Variants in CSNK1G2 observed in about 807,000 individuals in gnomAD.
CSNK1G2 encodes the protein casein kinase 1 gamma 2.
In CSNK1G2, 11 loss-of-function variants were observed where a neutral mutation model predicts 48.0. The ratio of observed to expected loss-of-function variants is 0.23; its 90% CI spans 0.14 to 0.38. The LOEUF is 0.38. Among genes scored for constraint, CSNK1G2 ranks in the 10% least tolerant of loss-of-function variants. The pLI is 1.00. For synonymous variants in CSNK1G2, 337 were observed against 254.1 expected (o/e 1.33, Z -3.10); for missense variants, 446 against 595.5 (o/e 0.75, Z 2.61).
intron 1 of CSNK1G2, among the ~76,000 whole-genome samples, chr19:1,961,207 G>A (rs1248839146): frequency 2.0e-5 from 3 of 152,236 alleles, no homozygotes; most frequent in African/African-American, 7.2e-5. Flanking sequence ...TGGCATTCTC[G>A]CTGTCAGGGG....
At chr19:1,972,988 C>A (rs1045832979) in intron 2 of CSNK1G2, among the ~76,000 whole-genome samples, 1 of 147,832 alleles carries the variant, frequency 6.8e-6, no homozygotes, top group Non-Finnish European at 1.5e-5. Context: ...AGTGCAGTGG[C>A]GTAACCTCAG....
intron 1 of CSNK1G2, chr19:1,953,720 C>G: frequency 5.1e-6 from 2 of 392,130 alleles, no homozygotes; most frequent in South Asian, 3.7e-5. Context: ...TCGCCGTCCC[C>G]CACATCCCCC....
At chr19:1,976,066 A>G (rs1330863538) in intron 2 of CSNK1G2, 11 of 1,289,222 alleles carry the variant, frequency 8.5e-6, no homozygotes, top group Non-Finnish European at 1.1e-5. Context: ...TCCCTCTAAA[A>G]ATAAAATGGA....
intron 1 of CSNK1G2, chr19:1,954,290 C>T: frequency 4.1e-6 from 1 of 244,728 alleles, no homozygotes; most frequent in Non-Finnish European, 8.5e-6. Flanking sequence ...GTATGTGCTG[C>T]CCTGGTGTTC....
At chr19:1,976,736 GCTTT>G (rs1347615905) in intron 2 of CSNK1G2, among the ~76,000 whole-genome samples, 4 of 127,588 alleles carry the variant, frequency 3.1e-5, no homozygotes, top group Admixed American at 2.3e-4. Context: ...CCTCTTTCTT[GCTTT>G]CTTTTTTTTT....
Position 1,957,467 on chromosome 19 carries a change from G to A in CSNK1G2, c.-265-12041G>A, listed in dbSNP as rs1229427570. On this transcript the variant is annotated intron_variant, in intron 1 of 11. Transcript: ENST00000255641. The surrounding 1 kb of genome is among the most constrained non-coding windows in gnomAD (Gnocchi z 5.4). ...GCTGCCCCGAGCGGCTTGGGTGGCC[G>A]GGCCTGTGGGAGACCTTGGGTTTGC... is the stretch of plus-strand genomic sequence containing the variant. Among the ~76,000 whole-genome samples, 3 of 152,216 alleles carry A rather than the reference G, an allele frequency of 2.0e-5. No individual in the cohort carries two copies. The highest frequency in any genetic ancestry group is 2.0e-4 in the Admixed American group (3 of 15,288).
intron 1 of CSNK1G2, among the ~76,000 whole-genome samples, chr19:1,958,920 A>G (rs1457168548): frequency 3.1e-4 from 11 of 35,628 alleles, no homozygotes; most frequent in Non-Finnish European, 5.5e-4. Context: ...ACCCCCGTCC[A>G]GGGCCACAGC....
intron 1 of CSNK1G2, chr19:1,952,878 A>G (rs1395265641): frequency 4.6e-6 from 2 of 437,710 alleles, no homozygotes; most frequent in Non-Finnish European, 9.0e-6. Context: ...CGTGGGGATC[A>G]TCACAGAGGC....
chr19:1,956,526 A>T (rs570223915), intron 1 of CSNK1G2, among the ~76,000 whole-genome samples: 76 of 152,266 alleles, frequency 5.0e-4, no homozygotes, highest in Admixed American at 1.7e-3. Flanking sequence ...CAAAAAACAA[A>T]AGACCACGCA....
intron 1 of CSNK1G2, among the ~76,000 whole-genome samples, chr19:1,965,209 G>A (rs181940486): frequency 4.7e-5 from 7 of 149,474 alleles, no homozygotes; most frequent in East Asian, 2.1e-4. Context: ...CAGTGAAACC[G>A]CGTCTCTACT....
rs1241308604 is a variant in CSNK1G2, at chr19:1,941,660, C to A, written c.-266+242C>A. On this transcript the variant is annotated intron_variant, in intron 1 of 11. Coordinates refer to ENST00000255641, the MANE Select transcript of CSNK1G2 (RefSeq NM_001319.7). The stretch of plus-strand genomic sequence containing the variant: ...GACCCTGCACTCGGGACCCCAGCGT[C>A]CCCCACCGCCCTAACCCGCGCTCAG... 8.0e-5 allele frequency among the ~76,000 whole-genome samples: 12 copies of A among 150,196 alleles called. No individual in the cohort carries two copies. The East Asian group carries it at 2.2e-3, about 27-fold the overall frequency.
intron 1 of CSNK1G2, among the ~76,000 whole-genome samples, chr19:1,952,297 G>A (rs1228326178): frequency 6.6e-6 from 1 of 152,168 alleles, no homozygotes; most frequent in African/African-American, 2.4e-5. Flanking sequence ...CCGAGTGGCG[G>A]AGGGCGGGAT....
intron 1 of CSNK1G2, among the ~76,000 whole-genome samples, chr19:1,964,656 T>A (rs1212426929): frequency 2.0e-5 from 3 of 152,180 alleles, no homozygotes; most frequent in African/African-American, 7.2e-5. Context: ...ACAGCACATC[T>A]GTTTAACACC....
intron 1 of CSNK1G2, among the ~76,000 whole-genome samples, chr19:1,961,045 C>G (rs1317953931): frequency 6.6e-6 from 1 of 152,224 alleles, no homozygotes; most frequent in Non-Finnish European, 1.5e-5. Context: ...CTTCGGGCTC[C>G]GGTTTCCTCT....
chr19:1,978,584 G>T lies in CSNK1G2; in HGVS notation c.299-18G>T, dbSNP rs373031517. ...GGGGGCTGCCGCCGCACGCCCGTGCGTCTGTCCTCCGCCGCAGAGGGCGTC... is the reference window on the plus strand; with the variant it reads ...GGGGGCTGCCGCCGCACGCCCGTGCTTCTGTCCTCCGCCGCAGAGGGCGTC... On this transcript the variant is annotated intron_variant, in intron 4 of 11. Coordinates refer to ENST00000255641, the MANE Select transcript of CSNK1G2 (RefSeq NM_001319.7). This position sits in a 1 kb window ranked among gnomAD's most constrained non-coding sequence, Gnocchi z 7.3. 18 of 1,582,578 alleles carry T rather than the reference G, an allele frequency of 1.1e-5. No individual in the cohort carries two copies. Among genetic ancestry groups the T allele is most frequent in the Non-Finnish European group, 1.5e-5 (18 of 1,164,992 alleles).
At chr19:1,970,061 C>A in intron 2 of CSNK1G2, 102 bp downstream of exon 2, 9 of 961,330 alleles carry the variant, frequency 9.4e-6, no homozygotes, top group Non-Finnish European at 1.2e-5. Flanking sequence ...ACTGGAGCCT[C>A]TGGCGGGGCC....
Position 1,979,008 on chromosome 19 carries a change from G to T in CSNK1G2, c.597G>T (p.Glu199Asp). The T allele has an allele frequency of 6.3e-7, 1 of 1,598,572 alleles. No individual in the cohort carries two copies. Among genetic ancestry groups the T allele is most frequent in the Non-Finnish European group, 8.5e-7 (1 of 1,179,556 alleles). ...TGGCCAAGGAGTACATCGACCCCGA[G>T]ACCAAGAAGCACATCCCGTACCGCG... ...FGLAKEYIDPETKKHIPYREH... is the reference protein window; with the variant it reads ...FGLAKEYIDPDTKKHIPYREH... The change falls in exon 6 of 12, where the codon GAG (glutamate) becomes GAT (aspartate). Residue 199 changes from glutamate (E) to aspartate (D), a missense_variant. Physicochemically the swap from Glu to Asp is conservative, Grantham distance 45. Around this residue, in one of 2 missense-constraint regions of CSNK1G2, gnomAD observed 258 missense variants for 415.9 expected, o/e 0.62. Coordinates refer to ENST00000255641, the MANE Select transcript of CSNK1G2 (RefSeq NM_001319.7).
Position 1,978,115 on chromosome 19 carries a change from C to T in CSNK1G2, c.188-190C>T, listed in dbSNP as rs574866926. On this transcript the variant is annotated intron_variant, in intron 2 of 11. Coordinates refer to ENST00000255641, the MANE Select transcript of CSNK1G2 (RefSeq NM_001319.7). The surrounding 1 kb of genome is among the most constrained non-coding windows in gnomAD (Gnocchi z 7.3). ...GACCACACGGGCAGGGTGCAGGTGT[C>T]GGGATGACTTGGCAGGCCATGGTGC... Among the ~76,000 whole-genome samples the T allele has an allele frequency of 3.6e-3, 546 of 152,066 alleles. 3 individuals are homozygous for T. Among genetic ancestry groups the T allele is most frequent in the African/African-American group, 7.4e-3 (306 of 41,490 alleles).
At position 1,969,478 on chromosome 19, in the gene CSNK1G2, G is replaced by A. The variant is rs2074882; in HGVS notation, c.-265-30G>A. Reference sequence around the variant, plus strand: ...CAGTGGCCCCGCGGGGGCCTTGCCGGTGCTCACCTGTGCCTCTGTTTCTCT... The same window carrying A: ...CAGTGGCCCCGCGGGGGCCTTGCCGATGCTCACCTGTGCCTCTGTTTCTCT... On this transcript the variant is annotated intron_variant, in intron 1 of 11. Coordinates refer to ENST00000255641, the MANE Select transcript of CSNK1G2 (RefSeq NM_001319.7). 1.3e-3 allele frequency: 318 copies of A among 241,200 alleles called. 4 individuals are homozygous for A. The East Asian group carries it at 0.022, about 17-fold the overall frequency. The allele number at this position is 241,200 out of a possible 1,614,324, so 14.9% of individuals were successfully genotyped here.
Sources: gnomAD v4.1 joint callset for allele counts (sites outside exome capture counted in the v4.1 genomes callset) on GRCh38, gnomAD v4.1.1 for gene constraint, gnomAD v4.1.1 regional missense constraint, Gnocchi (gnomAD v3.1) non-coding constraint, MANE v1.5 for transcripts, NCBI Gene and HGNC (gene_info 2026-07-23, HGNC 2026-07-21) for gene names.